MED12L: variants seen among roughly 807,000 people sequenced by gnomAD.
MED12L encodes the protein mediator of RNA polymerase II transcription subunit 12-like protein.
In MED12L, 60 loss-of-function variants were observed where a neutral mutation model predicts 281.3. The observed-to-expected ratio is 0.21, with a 90% CI of 0.17 to 0.26. MED12L has a LOEUF of 0.26. MED12L is among the 10% of genes least tolerant of loss of function. The pLI is 1.00. For synonymous variants in MED12L, 974 were observed against 987.2 expected (o/e 0.99, Z 0.25); for missense variants, 2,146 against 2,680.9 (o/e 0.80, Z 4.41).
intron 43 of MED12L, among the ~76,000 whole-genome samples, chr3:151,429,591 C>T (rs185595793): frequency 2.6e-5 from 4 of 152,306 alleles, no homozygotes; most frequent in Admixed American, 2.0e-4. Context: ...GTAGATGCTG[C>T]TTTTTTTCCT....
intron 37 of MED12L, among the ~76,000 whole-genome samples, chr3:151,389,478 A>G (rs938953738): frequency 2.0e-5 from 3 of 152,184 alleles, no homozygotes; most frequent in African/African-American, 7.2e-5. Context: ...AGGAAGAGGA[A>G]GCATGGGGGA....
intron 16 of MED12L, among the ~76,000 whole-genome samples, chr3:151,204,925 G>A (rs944203329): frequency 3.9e-5 from 6 of 152,196 alleles, no homozygotes; most frequent in African/African-American, 1.4e-4. Context: ...CAGTTTCTGT[G>A]TCTGGATTGC....
chr3:151,252,281 GCTTAA>G (rs1411957192), intron 16 of MED12L, among the ~76,000 whole-genome samples: 1 of 152,154 alleles, frequency 6.6e-6, no homozygotes, highest in Non-Finnish European at 1.5e-5. Flanking sequence ...CAGGAGTAGT[GCTTAA>G]CTTGTTTATA....
chr3:151,198,362 TCAAAGCTATAATTAAC>T, intron 16 of MED12L: 4 of 1,197,358 alleles, frequency 3.3e-6, no homozygotes, highest in African/African-American at 1.5e-5. Flanking sequence ...TTTTTATCTT[TCAAAGCTATAATTAAC>T]TTTATGGTCC....
chr3:151,241,230 T>A (rs568396234), intron 16 of MED12L, among the ~76,000 whole-genome samples: 227 of 152,364 alleles, frequency 1.5e-3, no homozygotes, highest in Non-Finnish European at 2.8e-3. Context: ...AGTGATCAAA[T>A]TGTTGATATT....
intron 2 of MED12L, among the ~76,000 whole-genome samples, chr3:151,090,955 C>G (rs34378815): frequency 0.051 from 7,751 of 152,226 alleles, 282 homozygotes; most frequent in Middle Eastern, 0.088. Context: ...GCAGGAGAAT[C>G]TCTTGAACCC....
intron 27 of MED12L, 79 bp from the exon 28 acceptor site, chr3:151,375,947 C>A: frequency 1.6e-6 from 1 of 615,750 alleles, no homozygotes; most frequent in Non-Finnish European, 2.5e-6. Flanking sequence ...TTCAATTATG[C>A]ACTGTGGATT....
intron 16 of MED12L, among the ~76,000 whole-genome samples, chr3:151,289,720 C>T (rs150459280): frequency 6.6e-6 from 1 of 152,202 alleles, no homozygotes; most frequent in African/African-American, 2.4e-5. Context: ...AAAAGTCTTG[C>T]ATGTAACATT....
intron 2 of MED12L, among the ~76,000 whole-genome samples, chr3:151,113,210 G>T (rs1470015854): frequency 4.6e-5 from 7 of 152,154 alleles, no homozygotes; most frequent in Non-Finnish European, 4.4e-5. Context: ...AGGTGGTCAG[G>T]TCATTGACCA....
intron 5 of MED12L, among the ~76,000 whole-genome samples, chr3:151,133,630 C>T (rs927477357): frequency 6.6e-6 from 1 of 151,324 alleles, no homozygotes; most frequent in Non-Finnish European, 1.5e-5. Flanking sequence ...TAGGTGGACA[C>T]GATGTTTAGA....
At chr3:151,409,623 C>A (rs1178585707) in intron 40 of MED12L, among the ~76,000 whole-genome samples, 1 of 152,112 alleles carries the variant, frequency 6.6e-6, no homozygotes, top group Non-Finnish European at 1.5e-5. Flanking sequence ...AGAGTTACTT[C>A]TTTTATGTTA....
intron 43 of MED12L, among the ~76,000 whole-genome samples, chr3:151,426,373 G>A (rs539825412): frequency 1.3e-5 from 2 of 152,224 alleles, no homozygotes; most frequent in Non-Finnish European, 2.9e-5. Context: ...GAAATGCTCA[G>A]TAGTGAGGCT....
intron 16 of MED12L, chr3:151,198,357 ATC>A: frequency 6.9e-6 from 5 of 726,758 alleles, no homozygotes; most frequent in Non-Finnish European, 5.5e-6. Context: ...TTTTTTTTTT[ATC>A]TTTCAAAGCT....
In MED12L at chr3:151,240,701, T is replaced by C. The variant is rs530946956; in HGVS notation, c.2250+47035T>C. Reference sequence around the variant, plus strand: ...TTGACTATTTTATACAGTGTGATTATTGCTGCTGTTATGTAAATATCCAGT... The same window carrying C: ...TTGACTATTTTATACAGTGTGATTACTGCTGCTGTTATGTAAATATCCAGT... On this transcript the variant is annotated intron_variant, in intron 16 of 44. Transcript: ENST00000687756. Among the ~76,000 whole-genome samples the C allele has an allele frequency of 5.2e-5, 8 of 152,394 alleles. No homozygotes were observed. The South Asian group carries it at 1.4e-3, about 28-fold the overall frequency.
intron 16 of MED12L, among the ~76,000 whole-genome samples, chr3:151,344,991 T>C (rs1254982695): frequency 6.6e-6 from 1 of 152,228 alleles, no homozygotes; most frequent in African/African-American, 2.4e-5. Context: ...TTCCTTTAAC[T>C]CCATTTCTTC....
chr3:151,105,965 A>G (rs781586943), intron 2 of MED12L, among the ~76,000 whole-genome samples: 1 of 152,176 alleles, frequency 6.6e-6, no homozygotes, highest in Non-Finnish European at 1.5e-5. Flanking sequence ...TTGTCATTCC[A>G]TCCAAGAAAT....
At chr3:151,364,465 A>G (rs1025101813) in intron 21 of MED12L, among the ~76,000 whole-genome samples, 1 of 152,200 alleles carries the variant, frequency 6.6e-6, no homozygotes, top group African/African-American at 2.4e-5. Context: ...ATTGAAGACA[A>G]GGAATGTGCC....
At position 151,397,090 on chromosome 3, in the gene MED12L, G is replaced by T. The variant is rs1715078950; in HGVS notation, c.5820+2223G>T. Among the ~76,000 whole-genome samples the T allele has an allele frequency of 1.3e-5, 2 of 151,702 alleles. 1 individual carries two copies. Among genetic ancestry groups the T allele is most frequent in the South Asian group, 4.2e-4 (2 of 4,776 alleles). ...ATTTCATTCTTTTTCTGATTCTTTT[G>T]TGCTAACTCCATTACAGTGTTGGAT... On this transcript the variant is annotated intron_variant, in intron 39 of 44. Transcript: ENST00000687756.
chr3:151,089,315 G>A (rs1260064190), intron 2 of MED12L, among the ~76,000 whole-genome samples: 9 of 151,952 alleles, frequency 5.9e-5, no homozygotes, highest in Non-Finnish European at 1.5e-5. Flanking sequence ...AAGTTCATCT[G>A]TGTATCGAAA....
Sources: allele counts gnomAD v4.1 joint callset (sites outside exome capture counted in the v4.1 genomes callset), GRCh38; gene constraint gnomAD v4.1.1; transcripts MANE v1.5; gene names NCBI Gene and HGNC (gene_info 2026-07-23, HGNC 2026-07-21).